The following EPHA6 variants were observed in gnomAD, a reference collection of about 807,000 sequenced individuals.
EPHA6 encodes the protein EPH receptor A6.
Under a neutral mutation model 112.0 loss-of-function variants are expected in EPHA6, and 50 were observed. The ratio of observed to expected loss-of-function variants is 0.45; its 90% confidence interval spans 0.36 to 0.56. The LOEUF (loss-of-function observed/expected upper bound fraction) is 0.56. EPHA6 is among the 20% of genes least tolerant of loss of function. The pLI is 0.00. For synonymous variants in EPHA6, 529 were observed against 490.7 expected (o/e 1.08, Z -1.03); for missense variants, 1,280 against 1,417.4 (o/e 0.90, Z 1.56).
At chr3:97,018,232 C>T (rs2044331568) in intron 3 of EPHA6, among the ~76,000 whole-genome samples, 2 of 151,774 alleles carry the variant, frequency 1.3e-5, no homozygotes, top group African/African-American at 4.8e-5. Flanking sequence ...TCTTTATTTG[C>T]ATGCATTTTT....
chr3:97,482,799 A>T (rs1329349698), intron 9 of EPHA6, among the ~76,000 whole-genome samples: 7 of 152,126 alleles, frequency 4.6e-5, no homozygotes, highest in Non-Finnish European at 7.4e-5. Flanking sequence ...AATACCATCC[A>T]CTCTGCCACA....
chr3:97,672,992 T>C (rs1459938333), intron 14 of EPHA6, among the ~76,000 whole-genome samples: 1 of 152,150 alleles, frequency 6.6e-6, no homozygotes, highest in Admixed American at 6.6e-5. Flanking sequence ...CCATACCTCA[T>C]AGTAGAAGTG....
intron 5 of EPHA6, among the ~76,000 whole-genome samples, chr3:97,372,760 A>G (rs1048507883): frequency 6.6e-6 from 1 of 152,182 alleles, no homozygotes; most frequent in Non-Finnish European, 1.5e-5. Context: ...AATACAATAT[A>G]TATTATGTTA....
chr3:97,499,093 A>G (rs2092054381), intron 10 of EPHA6, among the ~76,000 whole-genome samples: 1 of 152,198 alleles, frequency 6.6e-6, no homozygotes, highest in African/African-American at 2.4e-5. Flanking sequence ...AAGATATACA[A>G]ACTAGAAGGG....
chr3:97,468,829 T>C (rs1319417805), intron 7 of EPHA6, among the ~76,000 whole-genome samples: 1 of 151,688 alleles, frequency 6.6e-6, no homozygotes, highest in Non-Finnish European at 1.5e-5. Context: ...TTAATACCTA[T>C]ACTATGTATG....
intron 14 of EPHA6, among the ~76,000 whole-genome samples, chr3:97,707,843 T>C (rs2033762954): frequency 1.3e-5 from 2 of 151,932 alleles, no homozygotes; most frequent in Admixed American, 1.3e-4. Context: ...TGGCAGTTCC[T>C]CTCTCTCTCT....
chr3:97,541,861 G>C (rs956372372), intron 11 of EPHA6, among the ~76,000 whole-genome samples: 7 of 151,254 alleles, frequency 4.6e-5, no homozygotes, highest in African/African-American at 1.7e-4. Context: ...GGTTCTCTTA[G>C]AAGGACAGAA....
intron 14 of EPHA6, among the ~76,000 whole-genome samples, chr3:97,699,154 T>C (rs1411350594): frequency 2.0e-5 from 3 of 152,162 alleles, no homozygotes; most frequent in Non-Finnish European, 2.9e-5. Context: ...GGTTGTTCCA[T>C]TGTGATAACT....
At chr3:97,373,466 T>C (rs1246528974) in intron 5 of EPHA6, among the ~76,000 whole-genome samples, 1 of 152,126 alleles carries the variant, frequency 6.6e-6, no homozygotes, top group Non-Finnish European at 1.5e-5. Context: ...GTGATTACAT[T>C]CAATTCTTTG....
intron 3 of EPHA6, among the ~76,000 whole-genome samples, chr3:97,118,454 T>TA (rs2047955315): frequency 6.6e-6 from 1 of 151,944 alleles, no homozygotes; most frequent in Non-Finnish European, 1.5e-5. Context: ...AATCTGTACT[T>TA]AAACTTTTGG....
At chr3:97,241,246 G>T (rs1278568389) in intron 4 of EPHA6, among the ~76,000 whole-genome samples, 1 of 151,536 alleles carries the variant, frequency 6.6e-6, no homozygotes, top group African/African-American at 2.4e-5. Flanking sequence ...GTAGTTTTTA[G>T]GTAGTTTATT....
intron 5 of EPHA6, among the ~76,000 whole-genome samples, chr3:97,384,866 C>A (rs2085967649): frequency 6.6e-6 from 1 of 151,992 alleles, no homozygotes; most frequent in Non-Finnish European, 1.5e-5. Context: ...CTGTTAAACC[C>A]ACACTAAGTT....
At chr3:97,582,111 C>T (rs766846510) in intron 11 of EPHA6, among the ~76,000 whole-genome samples, 1 of 151,972 alleles carries the variant, frequency 6.6e-6, no homozygotes, top group Admixed American at 6.6e-5. Context: ...CTTACTGCAA[C>T]CTCCACCTCC....
chr3:97,303,444 CAA>C (rs1491578168), intron 5 of EPHA6, among the ~76,000 whole-genome samples: 1 of 151,648 alleles, frequency 6.6e-6, no homozygotes, highest in African/African-American at 2.4e-5. Context: ...CAAGACCGAG[CAA>C]GAGAGAGAGA....
At chr3:97,295,937 CT>C (rs1178622821) in intron 5 of EPHA6, among the ~76,000 whole-genome samples, 1 of 152,110 alleles carries the variant, frequency 6.6e-6, no homozygotes, top group African/African-American at 2.4e-5. Context: ...CATGCCTATC[CT>C]TGGGACCCTG....
intron 2 of EPHA6, among the ~76,000 whole-genome samples, chr3:96,934,605 A>G (rs1054014811): frequency 6.6e-6 from 1 of 151,418 alleles, no homozygotes; most frequent in Non-Finnish European, 1.5e-5. Context: ...GTGTATAACT[A>G]TGTTATAATA....
chr3:97,351,993 T>C (rs2083839462), intron 5 of EPHA6, among the ~76,000 whole-genome samples: 2 of 152,066 alleles, frequency 1.3e-5, no homozygotes, highest in South Asian at 2.1e-4. Context: ...TGGAAACAAA[T>C]TGACAAGAAG....
intron 16 of EPHA6, among the ~76,000 whole-genome samples, chr3:97,740,846 C>T (rs1386104): frequency 2.0e-3 from 307 of 152,088 alleles, no homozygotes; most frequent in African/African-American, 7.1e-3. Flanking sequence ...TCAGCATTTG[C>T]TAAATTGTTT....
intron 3 of EPHA6, among the ~76,000 whole-genome samples, chr3:97,187,688 GGAAAGAAA>G (rs71113853): frequency 0.094 from 10,182 of 107,924 alleles, 404 homozygotes; most frequent in Middle Eastern, 0.11. Context: ...AAAGAAAGAA[GGAAAGAAA>G]GAAAGAAAGA....
Sources: gnomAD v4.1 joint callset for allele counts (sites outside exome capture counted in the v4.1 genomes callset) on GRCh38, gnomAD v4.1.1 for gene constraint, MANE v1.5 for transcripts, NCBI Gene and HGNC (gene_info 2026-07-23, HGNC 2026-07-21) for gene names.